Variants in GALNT10 observed in about 807,000 individuals in gnomAD.
GALNT10 encodes polypeptide N-acetylgalactosaminyltransferase 10.
In GALNT10, 41 loss-of-function variants were observed where a neutral mutation model predicts 75.0. The observed-to-expected ratio is 0.55, with a 90% CI of 0.43 to 0.71. The LOEUF is 0.71. GALNT10 is among the 30% of genes least tolerant of loss of function. The pLI is 0.00. For missense variants in GALNT10, 727 were observed against 818.5 expected (o/e 0.89, Z 1.36); for synonymous variants, 302 against 313.0 (o/e 0.96, Z 0.37).
chr5:154,227,903 C>T (rs956940165), intron 1 of GALNT10, among the ~76,000 whole-genome samples: 5 of 152,110 alleles, frequency 3.3e-5, no homozygotes, highest in Admixed American at 3.3e-4. Context: ...ATCCCCAGTG[C>T]TGGAGGTGGG....
chr5:154,347,813 T>C lies in GALNT10; in HGVS notation c.568+18075T>C, dbSNP rs570983305. 3.3e-5 allele frequency among the ~76,000 whole-genome samples: 5 copies of C among 152,368 alleles called. No individual in the cohort carries two copies. The East Asian group carries it at 9.6e-4, about 29-fold the overall frequency. On this transcript the variant is annotated intron_variant, in intron 4 of 11. Transcript: ENST00000297107. ...GAGAAGGAATGAAAAACCAGACATT[T>C]TTCTACTTGGCTATCAATCCCCAAG...
intron 7 of GALNT10, among the ~76,000 whole-genome samples, chr5:154,396,232 T>G (rs113516053): frequency 1.8e-5 from 2 of 108,608 alleles, no homozygotes; most frequent in Non-Finnish European, 3.6e-5. Context: ...ATGAATGAAT[T>G]AGGTAATTAA....
intron 1 of GALNT10, chr5:154,218,195 C>T (rs146104058): frequency 2.2e-6 from 2 of 903,104 alleles, no homozygotes; most frequent in East Asian, 1.2e-4. Context: ...TCCTCCCTCC[C>T]CACCTCATGG....
chr5:154,293,614 T>TATATATATATATATATATATATA (rs60780135), intron 1 of GALNT10, among the ~76,000 whole-genome samples: 2 of 106,410 alleles, frequency 1.9e-5, no homozygotes, highest in African/African-American at 8.3e-5. Context: ...TATATATATA[T>TATATATATATATATATATATATA]TTTTTTTTTC....
At chr5:154,396,348 T>A (rs2113202002) in intron 7 of GALNT10, among the ~76,000 whole-genome samples, 1 of 152,046 alleles carries the variant, frequency 6.6e-6, no homozygotes, top group East Asian at 1.9e-4. Context: ...ACATAGGGAG[T>A]CCAGCGGGTA....
At chr5:154,397,158 A>T (rs4958732) in intron 7 of GALNT10, among the ~76,000 whole-genome samples, 28,626 of 149,688 alleles carry the variant, frequency 0.19, 3,438 homozygotes, top group South Asian at 0.27. Flanking sequence ...TAAATTTAGA[A>T]GTAAATTTAA....
chr5:154,401,416 G>A (rs1756159604), intron 7 of GALNT10, among the ~76,000 whole-genome samples: 2 of 152,198 alleles, frequency 1.3e-5, no homozygotes. Flanking sequence ...CAGCGACCTG[G>A]GCAATACCCG....
chr5:154,290,811 G>A (rs921724205), intron 1 of GALNT10, among the ~76,000 whole-genome samples: 1 of 152,172 alleles, frequency 6.6e-6, no homozygotes, highest in Non-Finnish European at 1.5e-5. Flanking sequence ...GTGAGGCCTT[G>A]GTTGGGTAGC....
At chr5:154,327,638 C>CA (rs1323194250) in intron 3 of GALNT10, among the ~76,000 whole-genome samples, 1 of 152,204 alleles carries the variant, frequency 6.6e-6, no homozygotes, top group African/African-American at 2.4e-5. Context: ...GGGGAACCAG[C>CA]TCATTCTAAA....
intron 3 of GALNT10, among the ~76,000 whole-genome samples, chr5:154,322,435 C>T (rs1413713235): frequency 6.6e-6 from 1 of 152,134 alleles, no homozygotes. Context: ...TTAAAGACCC[C>T]TTGTGATTAC....
At chr5:154,218,189 C>T (rs1752913668) in intron 1 of GALNT10, 1 of 938,824 alleles carries the variant, frequency 1.1e-6, no homozygotes, top group South Asian at 4.9e-5. Flanking sequence ...GGCACCTCCT[C>T]CCTCCCCACC....
chr5:154,270,581 G>A (rs1302640362), intron 1 of GALNT10, among the ~76,000 whole-genome samples: 2 of 152,168 alleles, frequency 1.3e-5, no homozygotes, highest in South Asian at 2.1e-4. Context: ...GTTACAAAAC[G>A]CTTTCCTATG....
chr5:154,283,278 T>TAAAAAA (rs59422213), intron 1 of GALNT10, among the ~76,000 whole-genome samples: 16 of 79,500 alleles, frequency 2.0e-4, no homozygotes, highest in African/African-American at 4.6e-4. Flanking sequence ...ACCTCGTCTG[T>TAAAAAA]AAAAAAAAAA....
chr5:154,303,209 A>G (rs2094035442), intron 3 of GALNT10, among the ~76,000 whole-genome samples: 1 of 152,184 alleles, frequency 6.6e-6, no homozygotes, highest in Non-Finnish European at 1.5e-5. Flanking sequence ...AATTGAAACA[A>G]ATGAGGTGAG....
rs577747998 is a variant in GALNT10 at position 154,415,514 on chromosome 5, T to C, written c.1504-269T>C. On this transcript the variant is annotated intron_variant, in intron 10 of 11. Transcript: ENST00000297107. ...CCACCACACCCAGCTAATCTTTGTA[T>C]TTTTAGTAGAGACGGGGTTTCACCA... Among the ~76,000 whole-genome samples the C allele has an allele frequency of 4.5e-4, 69 of 152,242 alleles. 1 individual carries two copies. The highest frequency in any genetic ancestry group is 1.4e-3 in the African/African-American group (59 of 41,552).
chr5:154,362,060 G>A (rs1186412900), intron 4 of GALNT10, among the ~76,000 whole-genome samples: 1 of 152,174 alleles, frequency 6.6e-6, no homozygotes, highest in Non-Finnish European at 1.5e-5. Flanking sequence ...GCCACAGCAT[G>A]TCCAGGCCAG....
chr5:154,287,523 T>G (rs1331942226), intron 1 of GALNT10: 1 of 152,198 alleles, frequency 6.6e-6, no homozygotes, highest in East Asian at 1.9e-4. Flanking sequence ...AGGTAGAATT[T>G]AATTTTTGGC....
chr5:154,265,687 CT>C (rs1430166225), intron 1 of GALNT10, among the ~76,000 whole-genome samples: 3 of 152,126 alleles, frequency 2.0e-5, no homozygotes. Flanking sequence ...CCCATATGTC[CT>C]GGTTTAGTGC....
chr5:154,222,855 T>C (rs1402468966), intron 1 of GALNT10, among the ~76,000 whole-genome samples: 1 of 152,250 alleles, frequency 6.6e-6, no homozygotes, highest in African/African-American at 2.4e-5. Context: ...TTTTGTCTAA[T>C]ATATGTTTTG....
Sources: allele counts gnomAD v4.1 joint callset (sites outside exome capture counted in the v4.1 genomes callset), GRCh38; gene constraint gnomAD v4.1.1; transcripts MANE v1.5; gene names NCBI Gene and HGNC (gene_info 2026-07-23, HGNC 2026-07-21).